Variants in KIAA0319 observed in about 807,000 individuals in gnomAD.
KIAA0319 encodes KIAA0319, also known as dyslexia-associated protein KIAA0319.
KIAA0319 carries 83 observed loss-of-function variants against 108.4 expected under a neutral mutation model. The ratio of observed to expected loss-of-function variants is 0.77; its 90% confidence interval spans 0.64 to 0.92. The LOEUF is 0.92. Ranked by LOEUF, KIAA0319 falls within the 40% of genes least tolerant of loss-of-function variation. The pLI is 0.00. For synonymous variants in KIAA0319, 484 were observed against 510.4 expected (o/e 0.95, Z 0.70); for missense variants, 1,195 against 1,322.4 (o/e 0.90, Z 1.49).
At position 24,575,429 on chromosome 6, in the gene KIAA0319, C is replaced by T. The variant is rs73388271; in HGVS notation, c.1734+939G>A. ...CCATCTTCCTGTTTTGTATCCAACC[C>T]GCCTCTGAATCAGAATTCTTAACAC... On this transcript the variant is annotated intron_variant, in intron 10 of 20. Coordinates refer to ENST00000378214, the MANE Select transcript of KIAA0319 (RefSeq NM_014809.4). 7.9e-3 allele frequency among the ~76,000 whole-genome samples: 1,205 copies of T among 152,050 alleles called. 24 individuals carry two copies. Among genetic ancestry groups the T allele is most frequent in the African/African-American group, 0.027 (1,135 of 41,470 alleles).
At chr6:24,630,036 G>A (rs998280327) in intron 1 of KIAA0319, among the ~76,000 whole-genome samples, 4 of 151,914 alleles carry the variant, frequency 2.6e-5, no homozygotes, top group African/African-American at 4.8e-5. Context: ...AAAATTAGCC[G>A]GGCATGGTGG....
intron 12 of KIAA0319, 118 bp from the exon 13 acceptor site, chr6:24,569,047 G>T (rs1250482866): frequency 1.4e-5 from 14 of 1,025,458 alleles, no homozygotes; most frequent in Middle Eastern, 2.4e-4. Context: ...ACCATTTAGA[G>T]AATTCTAAGA....
chr6:24,583,266 C>T (rs1302919431), intron 5 of KIAA0319: 11 of 1,010,158 alleles, frequency 1.1e-5, no homozygotes, highest in Non-Finnish European at 1.3e-5. Context: ...TCCCTCTCAT[C>T]CCGGTGGAAT....
intron 18 of KIAA0319, among the ~76,000 whole-genome samples, chr6:24,555,496 C>CAAA (rs34005198): frequency 1.7e-4 from 14 of 80,868 alleles, no homozygotes; most frequent in Non-Finnish European, 2.4e-4. Context: ...GACTCCATCT[C>CAAA]AAAAAAAAAA....
chr6:24,574,891 T>G (rs1367018735), intron 10 of KIAA0319, among the ~76,000 whole-genome samples: 1 of 152,218 alleles, frequency 6.6e-6, no homozygotes, highest in African/African-American at 2.4e-5. Flanking sequence ...TCCCAGGAGT[T>G]GCCTCCAAAT....
Position 24,599,757 on chromosome 6 carries a change from G to T in KIAA0319, c.55+1292C>A. On this transcript the variant is annotated intron_variant, in intron 2 of 20. Coordinates refer to ENST00000378214, the MANE Select transcript of KIAA0319 (RefSeq NM_014809.4). The surrounding 1 kb of genome is among the most constrained non-coding windows in gnomAD (Gnocchi z 4.1). ...GATCGAGATTTGTGATAGGAAACTG[G>T]TGTCTGAGTCCTCTGATGTTCTGCC... 1.9e-6 allele frequency: 1 copy of T among 531,980 alleles called. No homozygotes were observed. Among genetic ancestry groups the T allele is most frequent in the African/African-American group, 1.9e-5 (1 of 51,842 alleles). 33.0% of individuals were successfully genotyped at this position (531,980 alleles called of 1,614,324 possible). A position where few individuals can be genotyped will look rare whatever the true frequency, so the allele number is the denominator to read the frequency against.
At chr6:24,553,340 C>CATATATATAT (rs71542684) in intron 19 of KIAA0319, among the ~76,000 whole-genome samples, 47 of 125,858 alleles carry the variant, frequency 3.7e-4, no homozygotes, top group African/African-American at 8.9e-4. Context: ...CACACACGCA[C>CATATATATAT]ATATATATAT....
At position 24,569,877 on chromosome 6, in the gene KIAA0319, C is replaced by T. The variant is rs1442868286; in HGVS notation, c.1991+26G>A. On this transcript the variant is annotated intron_variant, in intron 12 of 20. Coordinates refer to ENST00000378214, the MANE Select transcript of KIAA0319 (RefSeq NM_014809.4). The stretch of plus-strand genomic sequence containing the variant: ...TATTAGCATTCAGCATGGGCATGAA[C>T]CTAGCTCAGTGGCGAGACAGACTAC... 2.5e-6 allele frequency: 4 copies of T among 1,612,788 alleles called. No individual in the cohort carries two copies. In the African/African-American group the frequency reaches 4.0e-5, roughly 16 times the overall value.
chr6:24,554,997 C>T (rs946839060), intron 18 of KIAA0319, among the ~76,000 whole-genome samples: 1 of 152,142 alleles, frequency 6.6e-6, no homozygotes, highest in Admixed American at 6.6e-5. Flanking sequence ...AAATCACAAC[C>T]CCTACCCCTG....
chr6:24,547,044 C>A lies in KIAA0319; in HGVS notation c.*121G>T, dbSNP rs1760716065. The A allele has an allele frequency of 3.8e-6, 4 of 1,060,296 alleles. No individual in the cohort carries two copies. The highest frequency in any genetic ancestry group is 5.6e-6 in the Non-Finnish European group (4 of 709,980). 65.7% of individuals were successfully genotyped at this position (1,060,296 alleles called of 1,614,324 possible). Reference sequence around the variant, plus strand: ...CGGTCTTTTAGTACGTGGGGATACACATCTAACCCACTGGGGAAGAAGGTC... The same window carrying A: ...CGGTCTTTTAGTACGTGGGGATACAAATCTAACCCACTGGGGAAGAAGGTC... On this transcript the variant is annotated 3_prime_UTR_variant, in exon 21 of 21. Coordinates refer to ENST00000378214, the MANE Select transcript of KIAA0319 (RefSeq NM_014809.4).
chr6:24,613,259 C>T (rs755668839), intron 1 of KIAA0319, among the ~76,000 whole-genome samples: 14 of 151,982 alleles, frequency 9.2e-5, no homozygotes, highest in African/African-American at 1.4e-4. Context: ...GGAATCTGCG[C>T]GTAACACAGA....
chr6:24,618,624 AAAC>A (rs1274654460), intron 1 of KIAA0319, among the ~76,000 whole-genome samples: 3 of 151,936 alleles, frequency 2.0e-5, no homozygotes, highest in East Asian at 1.9e-4. Context: ...AAACACCCCC[AAAC>A]AACAACAACA....
At chr6:24,556,113 G>A (rs1762250717) in intron 18 of KIAA0319, among the ~76,000 whole-genome samples, 1 of 151,986 alleles carries the variant, frequency 6.6e-6, no homozygotes, top group Non-Finnish European at 1.5e-5. Context: ...GCAGAGCTAG[G>A]CAGATAGTTC....
chr6:24,621,408 C>A (rs1582272934), intron 1 of KIAA0319, among the ~76,000 whole-genome samples: 1 of 152,238 alleles, frequency 6.6e-6, no homozygotes, highest in East Asian at 1.9e-4. Flanking sequence ...TCTAAAGAGG[C>A]AGATCATGGA....
At chr6:24,560,643 G>T (rs992945529) in intron 16 of KIAA0319, among the ~76,000 whole-genome samples, 1 of 152,156 alleles carries the variant, frequency 6.6e-6, no homozygotes, top group African/African-American at 2.4e-5. Context: ...GTTAGCTCTG[G>T]TGCTGCCAGC....
intron 1 of KIAA0319, among the ~76,000 whole-genome samples, chr6:24,604,808 T>A (rs1405232142): frequency 1.3e-5 from 2 of 152,168 alleles, no homozygotes; most frequent in African/African-American, 4.8e-5. Flanking sequence ...CCTTCAGTTC[T>A]AATAGCTTAT....
At chr6:24,642,906 C>T (rs1439323649) in intron 1 of KIAA0319, among the ~76,000 whole-genome samples, 2 of 152,108 alleles carry the variant, frequency 1.3e-5, no homozygotes, top group Non-Finnish European at 2.9e-5. Context: ...TGGGGTTTCA[C>T]CATGTTGGCC....
intron 17 of KIAA0319, among the ~76,000 whole-genome samples, chr6:24,558,193 A>G (rs1195389561): frequency 6.6e-6 from 1 of 152,122 alleles, no homozygotes; most frequent in Admixed American, 6.5e-5. Flanking sequence ...ACTTGAGGCC[A>G]GGAGTTTGAG....
intron 5 of KIAA0319, 125 bp downstream of exon 5, chr6:24,583,479 C>A: frequency 1.4e-6 from 1 of 706,846 alleles, no homozygotes; most frequent in Non-Finnish European, 2.4e-6. Context: ...GCCTTGTCCT[C>A]CACCTTTGTT....
Sources: allele counts gnomAD v4.1 joint callset (sites outside exome capture counted in the v4.1 genomes callset), GRCh38; gene constraint gnomAD v4.1.1; non-coding constraint Gnocchi (gnomAD v3.1); transcripts MANE v1.5; gene names NCBI Gene and HGNC (gene_info 2026-07-23, HGNC 2026-07-21).